Variants in KCNAB3 observed in about 807,000 individuals in gnomAD.
The protein encoded by KCNAB3 is potassium voltage-gated channel subfamily A regulatory beta subunit 3, also known as voltage-gated potassium channel subunit beta-3.
KCNAB3 carries 62 observed loss-of-function variants against 67.7 expected under a neutral mutation model. The ratio of observed to expected loss-of-function variants is 0.92; its 90% confidence interval spans 0.75 to 1.13. The LOEUF (loss-of-function observed/expected upper bound fraction) is 1.13. KCNAB3 is among the 50% of genes most tolerant of loss of function. The pLI is 0.00. For missense variants in KCNAB3, 514 were observed against 522.9 expected, an observed-to-expected ratio of 0.98 and a Z score of 0.17; for synonymous variants, 212 against 205.4, an observed-to-expected ratio of 1.03 and a Z score of -0.27.
At chr17:7,926,908 AG>A (rs1339672638) in intron 4 of KCNAB3, among the ~76,000 whole-genome samples, 2 of 151,698 alleles carry the variant, frequency 1.3e-5, no homozygotes, top group African/African-American at 4.8e-5. Flanking sequence ...ATGGTGGGGG[AG>A]GGGGTGACCA....
intron 6 of KCNAB3, 64 bp from the exon 7 acceptor site, chr17:7,925,790 G>A: frequency 6.2e-7 from 1 of 1,607,594 alleles, no homozygotes; most frequent in South Asian, 1.1e-5. Flanking sequence ...CTGGCTTGGA[G>A]CCATAAGGAA....
chr17:7,924,223 C>T lies in KCNAB3; in HGVS notation c.754G>A (p.Val252Met), dbSNP rs775205848. Residue 252 changes from valine (V) to methionine (M), a missense_variant, in exon 10 of 14, where the codon GTG (valine) becomes ATG (methionine). Val to Met is a conservative substitution (Grantham distance 21). Transcript: ENST00000303790. ...AGATGGTGCTCCGCTTGTTCACACA[C>T]TGGAGGAATCAGATTGAACTGTCTG... is the stretch of plus-strand genomic sequence containing the variant. ...MARQFNLIPP[V>M]CEQAEHHLFQ... 3 of 1,614,234 alleles carry T rather than the reference C, an allele frequency of 1.9e-6. No homozygotes were observed. The highest frequency in any genetic ancestry group is 2.5e-6 in the Non-Finnish European group (3 of 1,180,034).
In KCNAB3 at chr17:7,924,295, T is replaced by A. The variant is rs772471642; in HGVS notation, c.712-30A>T. 1.9e-6 allele frequency: 3 copies of A among 1,613,580 alleles called. No individual in the cohort carries two copies. In the East Asian group the frequency reaches 6.7e-5, roughly 36 times the overall value. On this transcript the variant is annotated intron_variant, in intron 9 of 13. Coordinates refer to ENST00000303790, the MANE Select transcript of KCNAB3 (RefSeq NM_004732.4). Reference sequence around the variant, plus strand: ...GTTGGGGTTGGGGAAAAGAAAGTGGTCAGAGCACTACTTCCGTTTTCTTCT... The same window carrying A: ...GTTGGGGTTGGGGAAAAGAAAGTGGACAGAGCACTACTTCCGTTTTCTTCT...
In KCNAB3 at chr17:7,924,019, A is replaced by G; in HGVS notation, c.876T>C (p.Ile292=). The G allele has an allele frequency of 6.2e-7, 1 of 1,613,334 alleles. No individual in the cohort carries two copies. ...GGACTCGCCCATCATACTTGCTAGT[A>G]ATGAGACCACAGGCTAGAGGGTACC... ...VTWYPLACGL[I]TSKYDGRVPD... The change falls in exon 11 of 14, where the codon ATT becomes ATC. Residue 292 remains isoleucine, a synonymous_variant. Transcript: ENST00000303790.
At position 7,923,496 on chromosome 17, in the gene KCNAB3, G is replaced by A. The variant is rs1438278694; in HGVS notation, c.1097C>T (p.Ser366Leu). ...EGVSSVLLGVSSAEQLIEHLG... is the reference protein window; with the variant it reads ...EGVSSVLLGVLSAEQLIEHLG... ...GTGTTCTATCAACTGCTCCGCACTC[G>A]ACACCCCCAGCAAGACAGAGCTGAC... Residue 366 changes from serine (S) to leucine (L), a missense_variant, in exon 13 of 14, where the codon TCG becomes TTG. Ser to Leu is a moderately radical substitution (Grantham distance 145, BLOSUM62 -2). Coordinates refer to ENST00000303790, the MANE Select transcript of KCNAB3 (RefSeq NM_004732.4). 3.1e-6 allele frequency: 5 copies of A among 1,612,540 alleles called. No homozygotes were observed. Among genetic ancestry groups the A allele is most frequent in the East Asian group, 4.5e-5 (2 of 44,730 alleles).
At position 7,923,832 on chromosome 17, in the gene KCNAB3, C is replaced by T. The variant is rs1328211741; in HGVS notation, c.928-1G>A. The stretch of plus-strand genomic sequence containing the variant: ...CTTTGTCCTTGAGCCACTGGTAGCC[C>T]TGGAGGCCAAGAAGAATCAACAGAA... On this transcript the variant is annotated splice_acceptor_variant, in intron 11 of 13. Transcript: ENST00000303790. LOFTEE classifies it high-confidence loss of function. 6.4e-7 allele frequency: 1 copy of T among 1,571,922 alleles called. No individual in the cohort carries two copies. The highest frequency in any genetic ancestry group is 8.6e-7 in the Non-Finnish European group (1 of 1,158,308).
rs747528432 is a variant in KCNAB3, at chr17:7,929,516, G to T, written c.-81C>A. 2.0e-6 allele frequency: 3 copies of T among 1,531,526 alleles called. No individual in the cohort carries two copies. The highest frequency in any genetic ancestry group is 2.6e-6 in the Non-Finnish European group (3 of 1,142,254). 94.9% of individuals were successfully genotyped at this position (1,531,526 alleles called of 1,614,324 possible). A position where few individuals can be genotyped will look rare whatever the true frequency, so the allele number is the denominator to read the frequency against. On this transcript the variant is annotated 5_prime_UTR_variant, in exon 1 of 14. Coordinates refer to ENST00000303790, the MANE Select transcript of KCNAB3 (RefSeq NM_004732.4). The surrounding 1 kb of genome is among the most constrained non-coding windows in gnomAD (Gnocchi z 5.7). The stretch of plus-strand genomic sequence containing the variant: ...GAAGCCCGAGGGCTGACGACCGGGG[G>T]CGTAGTGGGGCGAACCCCGGCAGAG...
At chr17:7,927,199 C>T (rs945685826) in intron 4 of KCNAB3, 145 bp downstream of exon 4, 3 of 751,598 alleles carry the variant, frequency 4.0e-6, no homozygotes, top group Non-Finnish European at 4.7e-6. Context: ...GTAGCTCCTA[C>T]AGTGCTTTCG....
rs930524448 is a variant in KCNAB3 at position 7,923,365 on chromosome 17, T to G, written c.1137+91A>C. 2.9e-6 allele frequency: 4 copies of G among 1,364,268 alleles called. No homozygotes were observed. The African/African-American group carries it at 5.8e-5, about 20-fold the overall frequency. The allele number at this position is 1,364,268 out of a possible 1,614,324, so 84.5% of individuals were successfully genotyped here. A position where few individuals can be genotyped will look rare whatever the true frequency, so the allele number is the denominator to read the frequency against. On this transcript the variant is annotated intron_variant, in intron 13 of 13. Transcript: ENST00000303790. ...TGCAAAGTGAGGACTTTGTAGTGGGTGACCTGATAGAGCCATCCTGGGTTG... is the reference window on the plus strand; with the variant it reads ...TGCAAAGTGAGGACTTTGTAGTGGGGGACCTGATAGAGCCATCCTGGGTTG...
At position 7,924,127 on chromosome 17, in the gene KCNAB3, G is replaced by A; in HGVS notation, c.832+18C>T. On this transcript the variant is annotated intron_variant, in intron 10 of 13. Transcript: ENST00000303790. ...CATGGATGAGGCTAAGGTAAAGGCAGGGATGAGGGCTGCAAACCAATCTTG... is the reference window on the plus strand; with the variant it reads ...CATGGATGAGGCTAAGGTAAAGGCAAGGATGAGGGCTGCAAACCAATCTTG... The A allele has an allele frequency of 6.2e-7, 1 of 1,614,202 alleles. No individual in the cohort carries two copies. The highest frequency in any genetic ancestry group is 1.7e-5 in the Admixed American group (1 of 60,020).
intron 8 of KCNAB3, chr17:7,924,716 C>G: frequency 7.4e-7 from 1 of 1,344,856 alleles, no homozygotes; most frequent in South Asian, 2.2e-5. Flanking sequence ...TGGCTTCCTG[C>G]TGAGGGTTTG....
rs766981516 is a variant in KCNAB3 at position 7,927,387 on chromosome 17, C to T, written c.361G>A (p.Gly121Ser). Residue 121 changes from glycine (G) to serine (S), a missense_variant, in exon 4 of 14, where the codon GGT becomes AGT. By Grantham distance (56) the Gly-to-Ser change is moderately conservative. Transcript: ENST00000303790. ...EDVLTVAYEH[G>S]VNLFDTAEVY... ...TCGGCGGTGTCAAACAGGTTTACACCATGCTCATAGGCTACAGTCAGCACA... is the reference window on the plus strand; with the variant it reads ...TCGGCGGTGTCAAACAGGTTTACACTATGCTCATAGGCTACAGTCAGCACA... The T allele has an allele frequency of 6.2e-7, 1 of 1,613,934 alleles. No individual in the cohort carries two copies. Among genetic ancestry groups the T allele is most frequent in the South Asian group, 1.1e-5 (1 of 91,082 alleles).
chr17:7,927,147 G>A (rs1251591444), intron 4 of KCNAB3, 197 bp downstream of exon 4: 29 of 643,502 alleles, frequency 4.5e-5, no homozygotes, highest in South Asian at 3.7e-4. Flanking sequence ...TGCACAGTAC[G>A]CCCATTGACT....
Position 7,927,332 on chromosome 17 carries a change from C to G in KCNAB3, c.404+12G>C, listed in dbSNP as rs1259719912. 7 of 1,612,328 alleles carry G rather than the reference C, an allele frequency of 4.3e-6. No individual in the cohort carries two copies. The highest frequency in any genetic ancestry group is 5.1e-6 in the Non-Finnish European group (6 of 1,178,988). ...TCCAAATGGAGCTTAGCTCTTTCAC[C>G]CCAGTCCTTACTTTCCTGCTGCGTA... On this transcript the variant is annotated intron_variant, in intron 4 of 13. Transcript: ENST00000303790.
At chr17:7,927,465 G>T (rs1972272838) in intron 3 of KCNAB3, 42 bp from the exon 4 acceptor site, 1 of 1,583,414 alleles carries the variant, frequency 6.3e-7, no homozygotes, top group East Asian at 2.2e-5. Context: ...CTGCTCCTCA[G>T]TTACCTCCCT....
chr17:7,926,128 A>T, intron 4 of KCNAB3, 25 bp from the exon 5 acceptor site: 1 of 1,613,986 alleles, frequency 6.2e-7, no homozygotes, highest in South Asian at 1.1e-5. Flanking sequence ...AGGCAGAGCC[A>T]CTGATCCCTT....
At position 7,929,249 on chromosome 17, in the gene KCNAB3, C is replaced by T. The variant is rs1972343749; in HGVS notation, c.187G>A (p.Ala63Thr). 1.2e-6 allele frequency: 2 copies of T among 1,609,148 alleles called. No individual in the cohort carries two copies. Among genetic ancestry groups the T allele is most frequent in the African/African-American group, 1.3e-5 (1 of 74,900 alleles). ...ARAALVPRPP[A>T]PAGALRESTG... ...CTCTCTCGGAGGGCCCCAGCGGGCG[C>T]TGGGGGTCGGGGAACCAGTGCAGCT... Residue 63 changes from alanine to threonine, a missense_variant, in exon 1 of 14, where the codon GCG becomes ACG. Transcript: ENST00000303790. The surrounding 1 kb of genome is among the most constrained non-coding windows in gnomAD (Gnocchi z 5.7).
chr17:7,925,885 A>G (rs1046824534), intron 6 of KCNAB3, 46 bp downstream of exon 6: 1 of 1,578,092 alleles, frequency 6.3e-7, no homozygotes, highest in East Asian at 2.3e-5. Flanking sequence ...ACCTTCACAC[A>G]TTCTTTGTAG....
At chr17:7,925,859 C>T in intron 6 of KCNAB3, 72 bp downstream of exon 6, 4 of 1,535,514 alleles carry the variant, frequency 2.6e-6, no homozygotes, top group Non-Finnish European at 3.6e-6. Context: ...TAGCTGTCCC[C>T]ACCCCCACCC....
Sources: allele counts gnomAD v4.1 joint callset (sites outside exome capture counted in the v4.1 genomes callset), GRCh38; gene constraint gnomAD v4.1.1; non-coding constraint Gnocchi (gnomAD v3.1); transcripts MANE v1.5; gene names NCBI Gene and HGNC (gene_info 2026-07-23, HGNC 2026-07-21).